WIPF2: variants seen among roughly 807,000 people sequenced by gnomAD.
The protein encoded by WIPF2 is WAS/WASL interacting protein family member 2.
In WIPF2, 23 loss-of-function variants were observed where a neutral mutation model predicts 38.8. That is an observed-to-expected ratio of 0.59 (90% confidence interval 0.43 to 0.84). WIPF2 has a LOEUF of 0.84. WIPF2 is among the 40% of genes least tolerant of loss of function. WIPF2 has a pLI of 0.00. For missense variants in WIPF2, 574 were observed against 580.5 expected, an observed-to-expected ratio of 0.99 and a Z score of 0.11; for synonymous variants, 210 against 223.2, an observed-to-expected ratio of 0.94 and a Z score of 0.53.
Position 40,277,076 on chromosome 17 carries a change from T to C in WIPF2, c.1181-7T>C. On this transcript the variant is annotated splice_region_variant and splice_polypyrimidine_tract_variant and intron_variant, in intron 6 of 7. Transcript: ENST00000323571. ...TGATAGGAATTAATGTTCTATTCTTTTCGCAGATGATTTTGAGTCAAAGTA... is the reference window on the plus strand; with the variant it reads ...TGATAGGAATTAATGTTCTATTCTTCTCGCAGATGATTTTGAGTCAAAGTA... 6.2e-7 allele frequency: 1 copy of C among 1,608,206 alleles called. No individual in the cohort carries two copies. The highest frequency in any genetic ancestry group is 8.5e-7 in the Non-Finnish European group (1 of 1,176,646).
intron 1 of WIPF2, among the ~76,000 whole-genome samples, chr17:40,237,948 C>A (rs945808246): frequency 6.1e-5 from 9 of 148,664 alleles, no homozygotes; most frequent in African/African-American, 2.2e-4. Context: ...CGCCTGTAAT[C>A]CCAGCTACTC....
rs371864156 is a variant in WIPF2, at chr17:40,262,504, C to T, written c.197-21C>T. 19 of 1,600,274 alleles carry T rather than the reference C, an allele frequency of 1.2e-5. No individual in the cohort carries two copies. In the African/African-American group the frequency reaches 2.3e-4, roughly 19 times the overall value. ...CAGCTGAGAGCATGTGAAATGAAAA[C>T]CCTACTGGTATGCTTTCCAGAGCCG... On this transcript the variant is annotated intron_variant, in intron 3 of 7. Coordinates refer to ENST00000323571, the MANE Select transcript of WIPF2 (RefSeq NM_133264.5).
chr17:40,237,696 A>G (rs2031030978), intron 1 of WIPF2, among the ~76,000 whole-genome samples: 1 of 147,928 alleles, frequency 6.8e-6, no homozygotes, highest in Non-Finnish European at 1.5e-5. Flanking sequence ...CCCAGGCTGG[A>G]GTGCAGTGGC....
intron 5 of WIPF2, 72 bp from the exon 6 acceptor site, chr17:40,273,718 C>A: frequency 1.1e-6 from 1 of 946,320 alleles, no homozygotes; most frequent in Non-Finnish European, 1.7e-6. Context: ...TCTTTTAGCT[C>A]ATGTGTTTCA....
chr17:40,243,595 CCT>C (rs1469893957), intron 1 of WIPF2, among the ~76,000 whole-genome samples: 4 of 151,824 alleles, frequency 2.6e-5, no homozygotes, highest in Admixed American at 1.3e-4. Context: ...CTCACTGCAA[CCT>C]CTGCCTACCG....
intron 5 of WIPF2, 54 bp downstream of exon 5, chr17:40,265,200 T>C: frequency 6.5e-7 from 1 of 1,527,836 alleles, no homozygotes; most frequent in Non-Finnish European, 8.8e-7. Context: ...GATTTTATCT[T>C]TCCCCAGAGC....
chr17:40,237,225 T>C (rs2031006372), intron 1 of WIPF2, among the ~76,000 whole-genome samples: 1 of 151,320 alleles, frequency 6.6e-6, no homozygotes, highest in Admixed American at 6.6e-5. Context: ...AATTTTTTTT[T>C]CCTATTCAAT....
At chr17:40,249,034 A>T (rs75346608) in intron 1 of WIPF2, among the ~76,000 whole-genome samples, 4 of 152,210 alleles carry the variant, frequency 2.6e-5, no homozygotes, top group African/African-American at 9.6e-5. Flanking sequence ...GATTTTGTTC[A>T]GTGCTTTGAT....
intron 1 of WIPF2, among the ~76,000 whole-genome samples, chr17:40,244,539 A>G (rs2031295402): frequency 6.6e-6 from 1 of 152,188 alleles, no homozygotes; most frequent in South Asian, 2.1e-4. Flanking sequence ...TTAAGCCAGG[A>G]GATCAAGTAT....
intron 1 of WIPF2, among the ~76,000 whole-genome samples, chr17:40,229,075 G>GT (rs2030629140): frequency 1.3e-5 from 2 of 149,668 alleles, no homozygotes; most frequent in South Asian, 4.2e-4. Context: ...AATTTTTGTA[G>GT]TTTTTGTAGA....
chr17:40,249,479 C>G (rs577454083), intron 1 of WIPF2, among the ~76,000 whole-genome samples: 2 of 146,684 alleles, frequency 1.4e-5, no homozygotes, highest in African/African-American at 2.5e-5. Flanking sequence ...GATGGCTCTT[C>G]GCTCTTGTTG....
chr17:40,276,996 T>G, intron 6 of WIPF2, 87 bp from the exon 7 acceptor site: 1 of 1,140,576 alleles, frequency 8.8e-7, no homozygotes, highest in Non-Finnish European at 1.3e-6. Flanking sequence ...GCCTGAGAGA[T>G]TAGTAAGTGG....
At chr17:40,228,242 C>T (rs2030584068) in intron 1 of WIPF2, among the ~76,000 whole-genome samples, 1 of 151,488 alleles carries the variant, frequency 6.6e-6, no homozygotes, top group African/African-American at 2.4e-5. Context: ...GTCTCGATCT[C>T]CTGACCTCGT....
In WIPF2 at chr17:40,283,994, C is replaced by T. The variant is rs998103799; in HGVS notation, c.*5769C>T. 2.0e-5 allele frequency: 3 copies of T among 152,014 alleles called. No individual in the cohort carries two copies. Among genetic ancestry groups the T allele is most frequent in the African/African-American group, 7.3e-5 (3 of 41,360 alleles). The allele number at this position is 152,014 out of a possible 1,614,324, so 9.4% of individuals were successfully genotyped here. The stretch of plus-strand genomic sequence containing the variant: ...CTCTCACATAATTTAGATATAAAAA[C>T]CTATGAGGATGAGGGAGGGAGGGGA... On this transcript the variant is annotated 3_prime_UTR_variant, in exon 8 of 8. Transcript: ENST00000323571.
At chr17:40,266,681 T>TC (rs2032098132) in intron 5 of WIPF2, among the ~76,000 whole-genome samples, 2 of 152,120 alleles carry the variant, frequency 1.3e-5, no homozygotes, top group Non-Finnish European at 2.9e-5. Context: ...GTTGTTTTTT[T>TC]CCCATCCCAA....
In WIPF2 at chr17:40,276,265, C is replaced by T. The variant is rs560072324; in HGVS notation, c.1181-818C>T. 9.9e-5 allele frequency among the ~76,000 whole-genome samples: 15 copies of T among 152,272 alleles called. No homozygotes were observed. In the East Asian group the frequency reaches 1.2e-3, roughly 12 times the overall value. On this transcript the variant is annotated intron_variant, in intron 6 of 7. Transcript: ENST00000323571. ...AGAATTGGCTGGGCCTGGTGGCTTA[C>T]GCCAGTAATCCCAGCGCTTTGGGAG...
intron 3 of WIPF2, chr17:40,260,979 C>T (rs2031883300): frequency 2.7e-6 from 1 of 372,476 alleles, no homozygotes; most frequent in South Asian, 2.2e-5. Flanking sequence ...GATCATGTCA[C>T]TGCGCCACTG....
At chr17:40,242,487 C>T (rs1387568549) in intron 1 of WIPF2, among the ~76,000 whole-genome samples, 1 of 152,116 alleles carries the variant, frequency 6.6e-6, no homozygotes, top group Non-Finnish European at 1.5e-5. Flanking sequence ...GCAACCTCCG[C>T]CTGCCGAGTT....
intron 1 of WIPF2, among the ~76,000 whole-genome samples, chr17:40,252,650 ACT>A (rs2031595234): frequency 1.4e-5 from 2 of 146,942 alleles, no homozygotes; most frequent in Non-Finnish European, 3.0e-5. Flanking sequence ...GGCAACAGAG[ACT>A]CTGTCTCAAA....
Sources: gnomAD v4.1 joint callset for allele counts (sites outside exome capture counted in the v4.1 genomes callset) on GRCh38, gnomAD v4.1.1 for gene constraint, MANE v1.5 for transcripts, NCBI Gene and HGNC (gene_info 2026-07-23, HGNC 2026-07-21) for gene names.